The following SMG7 variants were observed in gnomAD, a reference collection of about 807,000 sequenced individuals.
The protein encoded by SMG7 is SMG7 nonsense mediated mRNA decay factor, also known as nonsense-mediated mRNA decay factor SMG7.
A neutral mutation model predicts 148.2 loss-of-function variants in SMG7; 34 were observed. The ratio of observed to expected loss-of-function variants is 0.23; its 90% CI spans 0.17 to 0.31. The LOEUF (loss-of-function observed/expected upper bound fraction) is 0.31. Ranked by LOEUF, SMG7 falls within the 10% of genes least tolerant of loss-of-function variation. The pLI, the probability that SMG7 is intolerant of heterozygous loss-of-function variation, is 1.00. For synonymous variants in SMG7, 492 were observed against 515.1 expected (o/e 0.96, Z 0.61); for missense variants, 1,114 against 1,408.4 (o/e 0.79, Z 3.35).
At chr1:183,518,899 A>G (rs1027144899) in intron 4 of SMG7, among the ~76,000 whole-genome samples, 1 of 152,184 alleles carries the variant, frequency 6.6e-6, no homozygotes, top group African/African-American at 2.4e-5. Context: ...CTGCCTGACT[A>G]TTGCTGCCTA....
intron 10 of SMG7, among the ~76,000 whole-genome samples, 184 bp downstream of exon 10, chr1:183,534,016 T>C (rs1418447571): frequency 6.6e-6 from 1 of 152,260 alleles, no homozygotes; most frequent in African/African-American, 2.4e-5. Context: ...GAATTCTTCA[T>C]GTGAGGCTTA....
chr1:183,505,783 G>A lies in SMG7; in HGVS notation c.30-7054G>A, dbSNP rs370612655. Among the ~76,000 whole-genome samples the A allele has an allele frequency of 5.1e-4, 77 of 152,286 alleles. No individual in the cohort carries two copies. In the South Asian group the frequency reaches 0.016, roughly 31 times the overall value. Reference sequence around the variant, plus strand: ...CTGGCCAAACTAACAATCTGGGAGTGACAGACTCTTTCCTCTGCTTTATCT... The same window carrying A: ...CTGGCCAAACTAACAATCTGGGAGTAACAGACTCTTTCCTCTGCTTTATCT... On this transcript the variant is annotated intron_variant, in intron 1 of 22. Coordinates refer to ENST00000688051, the MANE Select transcript of SMG7 (RefSeq NM_001375584.1).
chr1:183,474,521 G>A (rs1446992485), intron 1 of SMG7, among the ~76,000 whole-genome samples: 3 of 152,178 alleles, frequency 2.0e-5, no homozygotes, highest in African/African-American at 7.2e-5. Flanking sequence ...CCGAGATGGC[G>A]TCATTGCACT....
chr1:183,481,115 C>A (rs1218383793), intron 1 of SMG7, among the ~76,000 whole-genome samples: 2 of 152,162 alleles, frequency 1.3e-5, no homozygotes, highest in Non-Finnish European at 2.9e-5. Flanking sequence ...TCCTTAAACT[C>A]ATTTATCTGG....
In SMG7 at chr1:183,472,632, G is replaced by C; in HGVS notation, c.12G>C (p.Gln4His). The C allele has an allele frequency of 1.4e-6, 2 of 1,469,098 alleles. No individual in the cohort carries two copies. Among genetic ancestry groups the C allele is most frequent in the Non-Finnish European group, 1.8e-6 (2 of 1,100,424 alleles). 91.0% of individuals were successfully genotyped at this position (1,469,098 alleles called of 1,614,324 possible). MSL[Q>H]SAQYLRQAEV... ...GGCGGCGGCGGAGGATGAGCCTGCA[G>C]AGCGCGCAGTACCTCCGGTGAGTGC... Residue 4 changes from glutamine to histidine, a missense_variant, in exon 1 of 23, where the codon CAG becomes CAC. By Grantham distance (24) the Gln-to-His change is conservative. This residue lies in a region of SMG7 where 216 missense variants were observed against 329.1 expected (regional missense o/e 0.66). Transcript: ENST00000688051.
chr1:183,540,074 A>G (rs528122773), intron 12 of SMG7, among the ~76,000 whole-genome samples: 27 of 152,240 alleles, frequency 1.8e-4, no homozygotes, highest in African/African-American at 6.0e-4. Flanking sequence ...TATAAACTCT[A>G]TACACTATGT....
At chr1:183,482,880 T>C (rs569212474) in intron 1 of SMG7, among the ~76,000 whole-genome samples, 1 of 152,084 alleles carries the variant, frequency 6.6e-6, no homozygotes, top group African/African-American at 2.4e-5. Context: ...ATTTATAGAA[T>C]CCTCACCTTG....
chr1:183,495,938 A>G (rs1397473149), intron 1 of SMG7, among the ~76,000 whole-genome samples: 1 of 152,050 alleles, frequency 6.6e-6, no homozygotes, highest in South Asian at 2.1e-4. Context: ...CTTTTAATAT[A>G]TGAACTGTTG....
At chr1:183,509,555 T>G (rs1158492181) in intron 1 of SMG7, among the ~76,000 whole-genome samples, 1 of 152,184 alleles carries the variant, frequency 6.6e-6, no homozygotes, top group Non-Finnish European at 1.5e-5. Context: ...AGGGTTGTTA[T>G]ATTTTCCATT....
chr1:183,508,807 C>T (rs1408973350), intron 1 of SMG7, among the ~76,000 whole-genome samples: 2 of 152,172 alleles, frequency 1.3e-5, no homozygotes, highest in African/African-American at 2.4e-5. Context: ...AAAAACATAG[C>T]ATGGCCTGCA....
chr1:183,533,472 A>G lies in SMG7; in HGVS notation c.1006+146A>G, dbSNP rs1667213315. The stretch of plus-strand genomic sequence containing the variant: ...GGAGTTCATAATAACTTTCAACCCC[A>G]AGTTCTATCCTTTTATCTGCTGATA... On this transcript the variant is annotated intron_variant, in intron 9 of 22. Coordinates refer to ENST00000688051, the MANE Select transcript of SMG7 (RefSeq NM_001375584.1). 5 of 982,824 alleles carry G rather than the reference A, an allele frequency of 5.1e-6. No homozygotes were observed. The East Asian group carries it at 7.4e-5, about 15-fold the overall frequency. The allele number at this position is 982,824 out of a possible 1,614,324, so 60.9% of individuals were successfully genotyped here.
intron 4 of SMG7, among the ~76,000 whole-genome samples, chr1:183,521,072 CTTTT>C (rs762401861): frequency 7.5e-6 from 1 of 133,280 alleles, no homozygotes; most frequent in Admixed American, 7.5e-5. Flanking sequence ...TTTTCACTTG[CTTTT>C]TTTTTTTTTT....
At chr1:183,477,742 ATG>A (rs1222751677) in intron 1 of SMG7, among the ~76,000 whole-genome samples, 7 of 146,412 alleles carry the variant, frequency 4.8e-5, no homozygotes, top group East Asian at 2.1e-4. Context: ...GCATATATAC[ATG>A]TGTGTGCATA....
chr1:183,486,843 G>T (rs529083528), intron 1 of SMG7, among the ~76,000 whole-genome samples: 5 of 152,158 alleles, frequency 3.3e-5, no homozygotes, highest in Admixed American at 6.5e-5. Context: ...GACTACAGGC[G>T]CACGCCACCA....
chr1:183,489,475 A>G (rs1656382440), intron 1 of SMG7, among the ~76,000 whole-genome samples: 1 of 152,162 alleles, frequency 6.6e-6, no homozygotes, highest in African/African-American at 2.4e-5. Flanking sequence ...GATGTGAAGA[A>G]TGAGTGGGAG....
intron 1 of SMG7, among the ~76,000 whole-genome samples, chr1:183,491,062 C>T (rs1199209152): frequency 1.3e-5 from 2 of 152,234 alleles, no homozygotes; most frequent in Non-Finnish European, 2.9e-5. Flanking sequence ...GCTGCCATGC[C>T]TGGCCTCAAA....
intron 1 of SMG7, among the ~76,000 whole-genome samples, chr1:183,479,525 C>T (rs1653537669): frequency 6.6e-6 from 1 of 152,102 alleles, no homozygotes; most frequent in Non-Finnish European, 1.5e-5. Flanking sequence ...TTGTTTTCTC[C>T]TCTAAGCCAC....
chr1:183,550,043 T>A, intron 20 of SMG7, 120 bp downstream of exon 20: 1 of 733,168 alleles, frequency 1.4e-6, no homozygotes, highest in Non-Finnish European at 2.1e-6. Flanking sequence ...ATTTTTTGTT[T>A]GTTTGTTTTT....
At chr1:183,502,420 CAT>C in intron 1 of SMG7, 1 of 1,507,222 alleles carries the variant, frequency 6.6e-7, no homozygotes, top group Non-Finnish European at 8.9e-7. Flanking sequence ...GGGATTTCTA[CAT>C]GTTTTTATTC....
Sources: gnomAD v4.1 joint callset for allele counts (sites outside exome capture counted in the v4.1 genomes callset) on GRCh38, gnomAD v4.1.1 for gene constraint, gnomAD v4.1.1 regional missense constraint, MANE v1.5 for transcripts, NCBI Gene and HGNC (gene_info 2026-07-23, HGNC 2026-07-21) for gene names.